Variants in LIG1 observed in about 807,000 individuals in gnomAD.
LIG1 encodes the protein ligase I, DNA, ATP-dependent.
A neutral mutation model predicts 115.7 loss-of-function variants in LIG1; 70 were observed. The ratio of observed to expected loss-of-function variants is 0.60; its 90% CI spans 0.50 to 0.74. The LOEUF (loss-of-function observed/expected upper bound fraction) is 0.74. LIG1 is among the 30% of genes least tolerant of loss of function. LIG1 has a pLI of 0.00. For synonymous variants in LIG1, 487 were observed against 495.3 expected, an observed-to-expected ratio of 0.98 and a Z score of 0.22; for missense variants, 1,115 against 1,225.6, an observed-to-expected ratio of 0.91 and a Z score of 1.35.
intron 4 of LIG1, among the ~76,000 whole-genome samples, chr19:48,159,018 C>T (rs182374985): frequency 1.3e-5 from 2 of 152,070 alleles, no homozygotes; most frequent in Non-Finnish European, 2.9e-5. Context: ...TCCCTCTGTT[C>T]AAATCACTGG....
At chr19:48,127,218 A>AGAGG in intron 21 of LIG1, 59 bp downstream of exon 21, 1 of 1,386,730 alleles carries the variant, frequency 7.2e-7, no homozygotes, top group Non-Finnish European at 1.0e-6. Context: ...GGCAGCTGCC[A>AGAGG]GGCTCACACC....
chr19:48,166,961 A>C (rs1417976583), intron 1 of LIG1, among the ~76,000 whole-genome samples: 1 of 64,720 alleles, frequency 1.5e-5, no homozygotes, highest in Non-Finnish European at 4.0e-5. Context: ...CTCTGTCTCA[A>C]AAAAAAAAAA....
intron 1 of LIG1, among the ~76,000 whole-genome samples, chr19:48,166,184 G>A (rs2036472373): frequency 6.6e-6 from 1 of 152,168 alleles, no homozygotes; most frequent in Admixed American, 6.6e-5. Flanking sequence ...ATCACTTGAG[G>A]TCAGGAGTTC....
chr19:48,149,372 G>A (rs1406091099), intron 9 of LIG1, among the ~76,000 whole-genome samples: 1 of 152,176 alleles, frequency 6.6e-6, no homozygotes, highest in Non-Finnish European at 1.5e-5. Flanking sequence ...GGAGGTGGCA[G>A]CCAGTGGCCA....
In LIG1 at chr19:48,128,024, A is replaced by G; in HGVS notation, c.1822-4T>C. 6.2e-7 allele frequency: 1 copy of G among 1,612,010 alleles called. No homozygotes were observed. Among genetic ancestry groups the G allele is most frequent in the East Asian group, 2.2e-5 (1 of 44,866 alleles). On this transcript the variant is annotated splice_polypyrimidine_tract_variant and splice_region_variant and intron_variant, in intron 19 of 27. Coordinates refer to ENST00000263274, the MANE Select transcript of LIG1 (RefSeq NM_000234.3). ...ATGTGACCGATGGGAGTTTAATCTG[A>G]AAAGTGAAGGGAGAGACCCAGGGCC...
chr19:48,144,510 C>T (rs1189705101), intron 9 of LIG1, among the ~76,000 whole-genome samples: 2 of 151,920 alleles, frequency 1.3e-5, no homozygotes, highest in African/African-American at 4.8e-5. Context: ...GGGACCTTTC[C>T]TTTTTTCTTG....
chr19:48,121,243 C>T lies in LIG1; in HGVS notation c.2312G>A (p.Arg771Gln), dbSNP rs1173320241. 8.1e-6 allele frequency: 13 copies of T among 1,613,864 alleles called. No individual in the cohort carries two copies. Among genetic ancestry groups the T allele is most frequent in the East Asian group, 2.2e-5 (1 of 44,852 alleles). ...VIGAYLGRGK[R>Q]AGRYGGFLLA... is the part of the protein sequence containing the mutation. Reference sequence around the variant, plus strand: ...CAGGAAGCCCCCGTACCGGCCGGCCCGCTTCCCCCGGCCCAGGTAGGCGCC... The same window carrying T: ...CAGGAAGCCCCCGTACCGGCCGGCCTGCTTCCCCCGGCCCAGGTAGGCGCC... The change falls in exon 24 of 28, where the codon CGG becomes CAG. Residue 771 changes from arginine (R) to glutamine (Q), a missense_variant. Coordinates refer to ENST00000263274, the MANE Select transcript of LIG1 (RefSeq NM_000234.3).
At chr19:48,150,253 C>G (rs775152609) in intron 7 of LIG1, 43 bp from the exon 8 acceptor site, 1 of 1,613,420 alleles carries the variant, frequency 6.2e-7, no homozygotes, top group South Asian at 1.1e-5. Flanking sequence ...CTCTTTGACC[C>G]TGAGACTTTT....
intron 3 of LIG1, 116 bp downstream of exon 3, chr19:48,162,146 G>T: frequency 1.1e-6 from 1 of 905,608 alleles, no homozygotes; most frequent in Non-Finnish European, 1.8e-6. Flanking sequence ...CTGGCCACCT[G>T]GCTGAAAAAG....
intron 26 of LIG1, among the ~76,000 whole-genome samples, chr19:48,117,182 C>CA (rs1411481549): frequency 1.3e-5 from 2 of 151,554 alleles, no homozygotes; most frequent in African/African-American, 2.4e-5. Context: ...TTTTTTGAGA[C>CA]AGAGTCTTGC....
Position 48,143,533 on chromosome 19 carries a change from CATT to C in LIG1, c.914+7_914+9del. 1 of 872,678 alleles carries C rather than the reference CATT, an allele frequency of 1.1e-6. No homozygotes were observed. Among genetic ancestry groups the C allele is most frequent in the Non-Finnish European group, 1.8e-6 (1 of 569,862 alleles). 54.1% of individuals were successfully genotyped at this position (872,678 alleles called of 1,614,324 possible). A position where few individuals can be genotyped will look rare whatever the true frequency, so the allele number is the denominator to read the frequency against. On this transcript the variant is annotated splice_region_variant and intron_variant, in intron 11 of 27. Coordinates refer to ENST00000263274, the MANE Select transcript of LIG1 (RefSeq NM_000234.3). ...CCCCGCCCCCCACCCAGGCAGTCCT[CATT>C]AGTTACCGAGCAGACACCTCCTCGA...
intron 5 of LIG1, among the ~76,000 whole-genome samples, chr19:48,156,037 G>A (rs575703467): frequency 2.0e-5 from 3 of 152,196 alleles, no homozygotes; most frequent in East Asian, 1.9e-4. Flanking sequence ...TGGGTCTCTC[G>A]CCCTGTTCTT....
Position 48,151,406 on chromosome 19 carries a change from T to C in LIG1, c.467-67A>G, listed in dbSNP as rs1599843013. ...TGAACCTACAAGGGCATTTTGACTCTGGAGACAGTCTGCCCTCATCTGTCA... is the reference window on the plus strand; with the variant it reads ...TGAACCTACAAGGGCATTTTGACTCCGGAGACAGTCTGCCCTCATCTGTCA... On this transcript the variant is annotated intron_variant, in intron 6 of 27. Transcript: ENST00000263274. 16 of 970,848 alleles carry C rather than the reference T, an allele frequency of 1.6e-5. No homozygotes were observed. In the East Asian group the frequency reaches 3.8e-4, roughly 23 times the overall value. 60.1% of individuals were successfully genotyped at this position (970,848 alleles called of 1,614,324 possible).
chr19:48,131,936 T>A (rs1599769939), intron 18 of LIG1, among the ~76,000 whole-genome samples: 1 of 37,614 alleles, frequency 2.7e-5, no homozygotes, highest in Admixed American at 2.0e-4. Flanking sequence ...GATCCACCCT[T>A]TTTTTTTTTT....
chr19:48,123,955 C>A (rs950874675), intron 21 of LIG1, among the ~76,000 whole-genome samples: 1 of 152,110 alleles, frequency 6.6e-6, no homozygotes, highest in African/African-American at 2.4e-5. Flanking sequence ...GAAATCAGTT[C>A]CAGCTGGACC....
intron 17 of LIG1, 130 bp from the exon 18 acceptor site, chr19:48,133,227 C>T (rs533096834): frequency 4.3e-6 from 3 of 700,952 alleles, no homozygotes; most frequent in South Asian, 1.6e-5. Context: ...AAGCCTCCCA[C>T]GTTTTAGAAG....
rs998980727 is a variant in LIG1, at chr19:48,166,564, C to T, written c.-57-941G>A. Among the ~76,000 whole-genome samples, 3 of 152,094 alleles carry T rather than the reference C, an allele frequency of 2.0e-5. No homozygotes were observed. In the South Asian group the frequency reaches 6.2e-4, roughly 31 times the overall value. On this transcript the variant is annotated intron_variant, in intron 1 of 27. Transcript: ENST00000263274. Reference sequence around the variant, plus strand: ...TTTTGCAGGCAGAACAATTGGAATACGTTACCCCTTCACAATATATTTTTA... The same window carrying T: ...TTTTGCAGGCAGAACAATTGGAATATGTTACCCCTTCACAATATATTTTTA...
chr19:48,140,125 C>T lies in LIG1; in HGVS notation c.933G>A (p.Thr311=), dbSNP rs41548021. The T allele has an allele frequency of 6.6e-5, 107 of 1,612,228 alleles. No individual in the cohort carries two copies. Among genetic ancestry groups the T allele is most frequent in the South Asian group, 1.8e-4 (16 of 91,062 alleles). Residue 311 remains threonine, a synonymous_variant, in exon 12 of 28, where the codon ACG becomes ACA. Coordinates refer to ENST00000263274, the MANE Select transcript of LIG1 (RefSeq NM_000234.3). ...CCACGGAGCGCAGCAAGTTGCTCAG[C>T]GTCTCCACCATCCGGAGCCTGGAGG... ...EVSARLRMVE[T]LSNLLRSVVA...
Position 48,165,709 on chromosome 19 carries a change from GA to G in LIG1, c.-57-87del, listed in dbSNP as rs34824188. The G allele has an allele frequency of 1.8e-3, 1,420 of 782,454 alleles. 2 individuals carry two copies. The highest frequency in any genetic ancestry group is 0.01 in the East Asian group (369 of 36,792). The allele number at this position is 782,454 out of a possible 1,614,324, so 48.5% of individuals were successfully genotyped here. On this transcript the variant is annotated intron_variant, in intron 1 of 27. Coordinates refer to ENST00000263274, the MANE Select transcript of LIG1 (RefSeq NM_000234.3). ...TAAAACCCTTTCTTTAAGAAAGAAAGAAAAAAAAAAACAGAAACATGAATTT... is the reference window on the plus strand; with the variant it reads ...TAAAACCCTTTCTTTAAGAAAGAAAGAAAAAAAAAACAGAAACATGAATTT...
Sources: gnomAD v4.1 joint callset for allele counts (sites outside exome capture counted in the v4.1 genomes callset) on GRCh38, gnomAD v4.1.1 for gene constraint, MANE v1.5 for transcripts, NCBI Gene and HGNC (gene_info 2026-07-23, HGNC 2026-07-21) for gene names.